MACROD2: variants seen among roughly 807,000 people sequenced by gnomAD.
The protein encoded by MACROD2 is ADP-ribose glycohydrolase MACROD2.
A neutral mutation model predicts 70.4 loss-of-function variants in MACROD2; 36 were observed. That is an observed-to-expected ratio of 0.51 (90% CI 0.39 to 0.68). The LOEUF (loss-of-function observed/expected upper bound fraction) is 0.68, where lower values mean the gene tolerates loss of function less well. MACROD2 is among the 30% of genes least tolerant of loss of function. MACROD2 has a pLI of 0.00. For missense variants in MACROD2, 496 were observed against 538.4 expected (o/e 0.92, Z 0.78); for synonymous variants, 172 against 178.8 (o/e 0.96, Z 0.30).
At chr20:15,885,891 G>A (rs1026067380) in intron 10 of MACROD2, 80 bp downstream of exon 10, 19 of 1,346,098 alleles carry the variant, frequency 1.4e-5, no homozygotes, top group African/African-American at 1.4e-4. Flanking sequence ...TTTTTTCAAC[G>A]AAAGACAAAA....
chr20:15,630,037 T>G (rs2049265643), intron 8 of MACROD2, among the ~76,000 whole-genome samples: 1 of 152,180 alleles, frequency 6.6e-6, no homozygotes, highest in Non-Finnish European at 1.5e-5. Flanking sequence ...CTAGATAACA[T>G]AAGGAAGTCA....
intron 5 of MACROD2, among the ~76,000 whole-genome samples, chr20:14,806,380 A>T (rs2072639353): frequency 6.6e-6 from 1 of 152,040 alleles, no homozygotes; most frequent in African/African-American, 2.4e-5. Flanking sequence ...TAGCCAAGGG[A>T]AGTCTTGAGG....
chr20:15,061,608 A>G (rs759667309), intron 5 of MACROD2, among the ~76,000 whole-genome samples: 2 of 152,174 alleles, frequency 1.3e-5, no homozygotes, highest in African/African-American at 2.4e-5. Flanking sequence ...CTTCTGAGGG[A>G]TTAAAACTAA....
chr20:15,812,566 TAAA>T (rs5840687), intron 8 of MACROD2, among the ~76,000 whole-genome samples: 1 of 145,698 alleles, frequency 6.9e-6, no homozygotes, highest in African/African-American at 2.5e-5. Flanking sequence ...ATATTGGATT[TAAA>T]AAAAAAAAAA....
At chr20:15,114,161 T>C (rs145385698) in intron 5 of MACROD2, among the ~76,000 whole-genome samples, 1 of 152,278 alleles carries the variant, frequency 6.6e-6, no homozygotes, top group Non-Finnish European at 1.5e-5. Context: ...GGGTTAGCTG[T>C]CCTGCATCAG....
At chr20:14,996,726 G>A (rs1244277624) in intron 5 of MACROD2, among the ~76,000 whole-genome samples, 1 of 152,128 alleles carries the variant, frequency 6.6e-6, no homozygotes, top group Non-Finnish European at 1.5e-5. Context: ...ACTTTACATT[G>A]CAACTCAGTG....
intron 5 of MACROD2, among the ~76,000 whole-genome samples, chr20:15,140,828 G>A (rs902320514): frequency 6.6e-6 from 1 of 152,158 alleles, no homozygotes; most frequent in East Asian, 1.9e-4. Context: ...ACTAATTCAT[G>A]CTTCAACTGC....
At chr20:15,124,585 T>C (rs1268932496) in intron 5 of MACROD2, among the ~76,000 whole-genome samples, 1 of 152,068 alleles carries the variant, frequency 6.6e-6, no homozygotes, top group African/African-American at 2.4e-5. Context: ...AGCTCCCTAA[T>C]TACTACAGTT....
chr20:16,025,414 T>C (rs1047235428), intron 15 of MACROD2, among the ~76,000 whole-genome samples: 2 of 152,202 alleles, frequency 1.3e-5, no homozygotes, highest in African/African-American at 4.8e-5. Flanking sequence ...TTCTTGACTA[T>C]GGGAGAGACC....
intron 6 of MACROD2, among the ~76,000 whole-genome samples, chr20:15,312,995 A>T (rs2077769832): frequency 6.6e-6 from 1 of 152,186 alleles, no homozygotes; most frequent in Non-Finnish European, 1.5e-5. Context: ...ATTTGCATAT[A>T]TGCATGTTTG....
intron 3 of MACROD2, among the ~76,000 whole-genome samples, chr20:14,467,554 G>C (rs1031855921): frequency 2.0e-5 from 3 of 152,072 alleles, no homozygotes; most frequent in Admixed American, 6.5e-5. Flanking sequence ...TGCACCCACT[G>C]TCTGGCACTC....
chr20:15,142,250 G>A (rs1205687120), intron 5 of MACROD2, among the ~76,000 whole-genome samples: 1 of 152,064 alleles, frequency 6.6e-6, no homozygotes, highest in Non-Finnish European at 1.5e-5. Flanking sequence ...TTAATTCCAA[G>A]CTAAAAAATG....
intron 3 of MACROD2, among the ~76,000 whole-genome samples, chr20:14,135,678 A>C (rs906283869): frequency 3.9e-5 from 6 of 152,158 alleles, no homozygotes; most frequent in African/African-American, 1.2e-4. Flanking sequence ...TCTATCTCTA[A>C]AAAAAGAAAA....
intron 3 of MACROD2, among the ~76,000 whole-genome samples, chr20:14,204,455 C>T (rs1046321272): frequency 6.9e-6 from 1 of 145,266 alleles, no homozygotes; most frequent in African/African-American, 2.6e-5. Context: ...TAAAATGGTG[C>T]TGTACCATAG....
At chr20:15,726,610 A>G (rs1421526278) in intron 8 of MACROD2, among the ~76,000 whole-genome samples, 1 of 152,016 alleles carries the variant, frequency 6.6e-6, no homozygotes, top group Non-Finnish European at 1.5e-5. Flanking sequence ...TTGATTTCTT[A>G]ATGATAGCCA....
chr20:14,597,935 A>C (rs1033697181), intron 4 of MACROD2, among the ~76,000 whole-genome samples: 1 of 152,184 alleles, frequency 6.6e-6, no homozygotes, highest in Non-Finnish European at 1.5e-5. Flanking sequence ...TATTTATTGT[A>C]CTATGGCTCT....
At chr20:13,997,137 A>G (rs1215590567) in intron 1 of MACROD2, among the ~76,000 whole-genome samples, 2 of 152,226 alleles carry the variant, frequency 1.3e-5, no homozygotes, top group Non-Finnish European at 2.9e-5. Flanking sequence ...CGAACAACAC[A>G]ATTAAAATGA....
chr20:16,038,045 CTT>C (rs57617707), intron 15 of MACROD2, among the ~76,000 whole-genome samples: 5 of 146,740 alleles, frequency 3.4e-5, no homozygotes, highest in African/African-American at 9.9e-5. Context: ...ATTTGAAAAT[CTT>C]TTTTTTTTTA....
At chr20:14,850,500 G>C (rs2073188497) in intron 5 of MACROD2, 1 of 152,866 alleles carries the variant, frequency 6.5e-6, no homozygotes, top group Non-Finnish European at 1.5e-5. Context: ...AGATTTGTTT[G>C]CCACTGTTGT....
Sources: gnomAD v4.1 joint callset for allele counts (sites outside exome capture counted in the v4.1 genomes callset) on GRCh38, gnomAD v4.1.1 for gene constraint, MANE v1.5 for transcripts, NCBI Gene and HGNC (gene_info 2026-07-23, HGNC 2026-07-21) for gene names.